NLGN1: variants seen among roughly 807,000 people sequenced by gnomAD.
The protein encoded by NLGN1 is neuroligin 1.
Under a neutral mutation model 65.5 loss-of-function variants are expected in NLGN1, and 12 were observed. That is an observed-to-expected ratio of 0.18 (90% CI 0.12 to 0.30). NLGN1 has a LOEUF of 0.30. Ranked by LOEUF, NLGN1 falls within the 10% of genes least tolerant of loss-of-function variation. The pLI is 1.00. For synonymous variants in NLGN1, 350 were observed against 359.5 expected (o/e 0.97, Z 0.30); for missense variants, 750 against 1,007.1 (o/e 0.74, Z 3.46).
At position 173,491,911 on chromosome 3, in the gene NLGN1, A is replaced by G. The variant is rs1218186587; in HGVS notation, c.-321+56833A>G. Reference sequence around the variant, plus strand: ...TGCCATTAATATCCTATGCTATAACACCACTCACCAAATTCCATTTATTCT... The same window carrying G: ...TGCCATTAATATCCTATGCTATAACGCCACTCACCAAATTCCATTTATTCT... On this transcript the variant is annotated intron_variant, in intron 2 of 6. Coordinates refer to ENST00000457714, the Ensembl canonical transcript of NLGN1. Among the ~76,000 whole-genome samples, 16 of 151,714 alleles carry G rather than the reference A, an allele frequency of 1.1e-4. No individual in the cohort carries two copies. In the East Asian group the frequency reaches 1.2e-3, roughly 11 times the overall value.
chr3:174,118,558 T>C (rs1717059453), intron 4 of NLGN1, among the ~76,000 whole-genome samples: 1 of 152,314 alleles, frequency 6.6e-6, no homozygotes, highest in East Asian at 1.9e-4. Flanking sequence ...TTAAGCATAA[T>C]GTATTCACTT....
intron 2 of NLGN1, among the ~76,000 whole-genome samples, chr3:173,565,144 G>T (rs1289463414): frequency 2.0e-5 from 3 of 152,174 alleles, no homozygotes; most frequent in Non-Finnish European, 4.4e-5. Context: ...AGGTTGGGAA[G>T]AAGCAGAGGA....
At chr3:173,715,270 T>C (rs1381247907) in intron 3 of NLGN1, among the ~76,000 whole-genome samples, 2 of 152,222 alleles carry the variant, frequency 1.3e-5, no homozygotes, top group Admixed American at 6.5e-5. Flanking sequence ...CCAGTAAGAA[T>C]ATATGTTACT....
At chr3:174,235,567 C>G (rs749956448) in intron 4 of NLGN1, among the ~76,000 whole-genome samples, 1 of 152,052 alleles carries the variant, frequency 6.6e-6, no homozygotes, top group African/African-American at 2.4e-5. Flanking sequence ...CATTTAGATT[C>G]CTAAGACATA....
rs758548748 is a variant in NLGN1 at position 174,004,891 on chromosome 3, A to G, written c.646+197059A>G. On this transcript the variant is annotated intron_variant, in intron 4 of 6. Coordinates refer to ENST00000457714, the Ensembl canonical transcript of NLGN1. ...ATCTCAATCATAACATCATTTTACTATAAAATAGATTTTATTTAATTAACT... is the reference window on the plus strand; with the variant it reads ...ATCTCAATCATAACATCATTTTACTGTAAAATAGATTTTATTTAATTAACT... 5.3e-5 allele frequency among the ~76,000 whole-genome samples: 8 copies of G among 152,160 alleles called. No homozygotes were observed. In the East Asian group the frequency reaches 5.8e-4, roughly 11 times the overall value.
intron 3 of NLGN1, among the ~76,000 whole-genome samples, chr3:173,802,016 A>G (rs1715546924): frequency 6.6e-6 from 1 of 152,160 alleles, no homozygotes; most frequent in African/African-American, 2.4e-5. Context: ...TTATCTAAAT[A>G]ATACTGAAAG....
intron 4 of NLGN1, chr3:174,057,948 C>T (rs1361144308): frequency 6.6e-6 from 1 of 151,878 alleles, no homozygotes; most frequent in Non-Finnish European, 1.5e-5. Flanking sequence ...CTTGTGGAGT[C>T]AAATACAGAA....
At chr3:174,120,954 A>G (rs952542466) in intron 4 of NLGN1, among the ~76,000 whole-genome samples, 2 of 152,140 alleles carry the variant, frequency 1.3e-5, no homozygotes, top group African/African-American at 4.8e-5. Context: ...TTGACCCTCA[A>G]TATATCTGTA....
chr3:173,520,678 CAT>C (rs1188299712), intron 2 of NLGN1, among the ~76,000 whole-genome samples: 2 of 152,142 alleles, frequency 1.3e-5, no homozygotes, highest in Non-Finnish European at 2.9e-5. Flanking sequence ...CAGGTAGTGA[CAT>C]ATAATCTGGC....
intron 4 of NLGN1, among the ~76,000 whole-genome samples, chr3:174,201,539 C>A (rs977786762): frequency 1.3e-5 from 2 of 151,666 alleles, no homozygotes; most frequent in Admixed American, 6.6e-5. Flanking sequence ...AGCATCACCC[C>A]CTCTCAGCAA....
chr3:173,405,025 A>G (rs1718359187), intron 1 of NLGN1, among the ~76,000 whole-genome samples: 1 of 152,134 alleles, frequency 6.6e-6, no homozygotes, highest in Non-Finnish European at 1.5e-5. Context: ...ACATGAATAA[A>G]ACATATATTA....
intron 2 of NLGN1, among the ~76,000 whole-genome samples, chr3:173,602,408 C>T (rs1005084272): frequency 2.0e-5 from 3 of 151,872 alleles, no homozygotes; most frequent in Admixed American, 2.0e-4. Flanking sequence ...AAACATACAA[C>T]ATGTAAAATG....
chr3:173,968,779 A>T (rs1340715881), intron 4 of NLGN1, among the ~76,000 whole-genome samples: 1 of 136,020 alleles, frequency 7.4e-6, no homozygotes, highest in Non-Finnish European at 1.5e-5. Context: ...GCTCACTGCA[A>T]CCTCTGCCTC....
chr3:173,894,633 CTTTTTTT>C (rs3979634), intron 4 of NLGN1, among the ~76,000 whole-genome samples: 1 of 134,174 alleles, frequency 7.5e-6, no homozygotes, highest in Non-Finnish European at 1.6e-5. Context: ...TTTTCTTTTT[CTTTTTTT>C]TTTTTTTTGA....
At chr3:173,785,674 T>TTATA (rs68011560) in intron 3 of NLGN1, among the ~76,000 whole-genome samples, 39 of 150,778 alleles carry the variant, frequency 2.6e-4, no homozygotes, top group Admixed American at 2.3e-3. Flanking sequence ...ATAGTTGAGT[T>TTATA]TATATATATA....
intron 4 of NLGN1, among the ~76,000 whole-genome samples, chr3:173,987,846 C>T (rs1288954421): frequency 6.6e-6 from 1 of 152,148 alleles, no homozygotes; most frequent in Non-Finnish European, 1.5e-5. Context: ...TCTGAATTCT[C>T]ACTTGTATTG....
Position 174,272,516 on chromosome 3 carries a change from A to G in NLGN1, c.647-2799A>G, listed in dbSNP as rs1396990066. Among the ~76,000 whole-genome samples, 4 of 151,728 alleles carry G rather than the reference A, an allele frequency of 2.6e-5. No homozygotes were observed. The East Asian group carries it at 7.7e-4, about 29-fold the overall frequency. ...GTATGCAAGTATATATCTCTCTACC[A>G]GGTCTGAAGACATGTTATTTGCTTG... On this transcript the variant is annotated intron_variant, in intron 4 of 6. Transcript: ENST00000457714.
chr3:173,413,319 C>T (rs977529895), intron 1 of NLGN1, among the ~76,000 whole-genome samples: 1 of 152,104 alleles, frequency 6.6e-6, no homozygotes. Context: ...TGAGACTTCT[C>T]GGCCGGGTGC....
chr3:174,006,389 T>G (rs1352547048), intron 4 of NLGN1, among the ~76,000 whole-genome samples: 4 of 152,208 alleles, frequency 2.6e-5, no homozygotes, highest in Non-Finnish European at 5.9e-5. Context: ...CACATTTTCT[T>G]CCACACGTAT....
Sources: gnomAD v4.1 joint callset for allele counts (sites outside exome capture counted in the v4.1 genomes callset) on GRCh38, gnomAD v4.1.1 for gene constraint, MANE v1.5 for transcripts, NCBI Gene and HGNC (gene_info 2026-07-23, HGNC 2026-07-21) for gene names.